PKHD1: variants seen among roughly 807,000 people sequenced by gnomAD.
PKHD1 encodes PKHD1 ciliary IPT domain containing fibrocystin/polyductin, also known as fibrocystin.
A neutral mutation model predicts 412.0 loss-of-function variants in PKHD1; 291 were observed. The ratio of observed to expected loss-of-function variants is 0.71; its 90% CI spans 0.64 to 0.78. The LOEUF is 0.78. Ranked by LOEUF, PKHD1 falls within the 30% of genes least tolerant of loss-of-function variation. The pLI is 0.00. For missense variants in PKHD1, 4,825 were observed against 4,950.7 expected, an observed-to-expected ratio of 0.97 and a Z score of 0.76; for synonymous variants, 1,777 against 1,821.5, an observed-to-expected ratio of 0.98 and a Z score of 0.62.
At chr6:51,861,059 C>T (rs1562484031) in intron 48 of PKHD1, among the ~76,000 whole-genome samples, 2 of 152,132 alleles carry the variant, frequency 1.3e-5, no homozygotes, top group Non-Finnish European at 2.9e-5. Context: ...GTGATCCACC[C>T]GCCTCAGCCT....
intron 60 of PKHD1, among the ~76,000 whole-genome samples, chr6:51,699,516 C>G (rs1412249870): frequency 2.0e-5 from 3 of 152,130 alleles, no homozygotes; most frequent in Admixed American, 6.6e-5. Context: ...ACAAATGAAG[C>G]TACTATGAAT....
rs761963908 is a variant in PKHD1, at chr6:51,676,914, T to C, written c.10157-16945A>G. 9.7e-4 allele frequency among the ~76,000 whole-genome samples: 148 copies of C among 152,178 alleles called. 1 individual carries two copies. Among genetic ancestry groups the C allele is most frequent in the Non-Finnish European group, 5.0e-4 (34 of 68,026 alleles). ...AAAAAATGGGTGTATGTTACACTTA[T>C]AAGGTGAAGGCATATTGAGAGTGAT... is the stretch of plus-strand genomic sequence containing the variant. On this transcript the variant is annotated intron_variant, in intron 60 of 66. Transcript: ENST00000371117.
intron 36 of PKHD1, among the ~76,000 whole-genome samples, chr6:51,934,939 G>C (rs1787234196): frequency 6.6e-6 from 1 of 152,156 alleles, no homozygotes; most frequent in South Asian, 2.1e-4. Context: ...TGGAGCAAAA[G>C]GGAAAAGAGG....
At chr6:52,075,918 A>G (rs1326694502) in intron 6 of PKHD1, among the ~76,000 whole-genome samples, 9 of 152,220 alleles carry the variant, frequency 5.9e-5, no homozygotes, top group Admixed American at 5.9e-4. Context: ...TGAAGAGCTT[A>G]GACTGGAGCC....
Position 51,868,318 on chromosome 6 carries a change from T to C in PKHD1, c.7487-209A>G, listed in dbSNP as rs114783394. Among the ~76,000 whole-genome samples, 837 of 152,258 alleles carry C rather than the reference T, an allele frequency of 5.5e-3. 5 individuals are homozygous for C. Among genetic ancestry groups the C allele is most frequent in the African/African-American group, 0.018 (728 of 41,552 alleles). ...GGTGTGCTAGAGATACTAAGAGGTA[T>C]AACTGCAGCATTGGCCCTACCTTCA... On this transcript the variant is annotated intron_variant, in intron 47 of 66. Coordinates refer to ENST00000371117, the MANE Select transcript of PKHD1 (RefSeq NM_138694.4).
chr6:51,882,614 G>A (rs1777555658), intron 46 of PKHD1, among the ~76,000 whole-genome samples: 1 of 152,142 alleles, frequency 6.6e-6, no homozygotes, highest in Admixed American at 6.5e-5. Context: ...AGAGACCAAT[G>A]GCAGCCAGGA....
In PKHD1 at chr6:51,888,463, T is replaced by A. The variant is rs533945657; in HGVS notation, c.6997-1218A>T. 2.8e-4 allele frequency among the ~76,000 whole-genome samples: 42 copies of A among 152,250 alleles called. No individual in the cohort carries two copies. In the South Asian group the frequency reaches 6.2e-3, roughly 23 times the overall value. On this transcript the variant is annotated intron_variant, in intron 43 of 66. Coordinates refer to ENST00000371117, the MANE Select transcript of PKHD1 (RefSeq NM_138694.4). ...TTTAAGACTGTACACAGATGTATTT[T>A]TTTTTGGCCTACCCAATGTTCATAT...
chr6:52,053,050 T>C lies in PKHD1; in HGVS notation c.2140+26A>G, dbSNP rs903611323. The C allele has an allele frequency of 1.9e-6, 3 of 1,610,624 alleles. No individual in the cohort carries two copies. In the East Asian group the frequency reaches 6.7e-5, roughly 36 times the overall value. ...TTGAGGTAGGCATGTGACCGGCTTG[T>C]GGAGGAGAGAGAATTTGATGATTAC... On this transcript the variant is annotated intron_variant, in intron 21 of 66. Coordinates refer to ENST00000371117, the MANE Select transcript of PKHD1 (RefSeq NM_138694.4).
At chr6:51,626,209 C>T (rs1287557039) in intron 66 of PKHD1, among the ~76,000 whole-genome samples, 2 of 152,090 alleles carry the variant, frequency 1.3e-5, no homozygotes, top group South Asian at 2.1e-4. Context: ...TGCTTAAACA[C>T]GCATTCAGAA....
intron 64 of PKHD1, among the ~76,000 whole-genome samples, chr6:51,636,142 T>C (rs1206649815): frequency 2.0e-5 from 3 of 152,292 alleles, no homozygotes; most frequent in Middle Eastern, 3.4e-3. Flanking sequence ...GAGGATTCCA[T>C]AAATACTTGG....
At chr6:51,983,269 A>G (rs1795803476) in intron 35 of PKHD1, among the ~76,000 whole-genome samples, 1 of 152,252 alleles carries the variant, frequency 6.6e-6, no homozygotes, top group African/African-American at 2.4e-5. Flanking sequence ...ACAAAAAATA[A>G]GGGGGCTTGC....
chr6:51,775,806 A>T lies in PKHD1; in HGVS notation c.8554+2T>A. ...TTAATAAAAACTATATTATACTCTTACCAATTGTTCCTGGGTCAATATGAA... is the reference window on the plus strand; with the variant it reads ...TTAATAAAAACTATATTATACTCTTTCCAATTGTTCCTGGGTCAATATGAA... On this transcript the variant is annotated splice_donor_variant, in intron 54 of 66. Transcript: ENST00000371117. LOFTEE classifies it high-confidence loss of function. 7.5e-7 allele frequency: 1 copy of T among 1,330,622 alleles called. No homozygotes were observed. The highest frequency in any genetic ancestry group is 1.1e-6 in the Non-Finnish European group (1 of 923,552). The allele number at this position is 1,330,622 out of a possible 1,614,324, so 82.4% of individuals were successfully genotyped here. A position where few individuals can be genotyped will look rare whatever the true frequency, so the allele number is the denominator to read the frequency against.
At chr6:51,669,290 G>C (rs959641113) in intron 60 of PKHD1, among the ~76,000 whole-genome samples, 1 of 152,114 alleles carries the variant, frequency 6.6e-6, no homozygotes, top group Non-Finnish European at 1.5e-5. Flanking sequence ...TGTATGTGTC[G>C]AGGAATTTAT....
intron 52 of PKHD1, among the ~76,000 whole-genome samples, chr6:51,826,776 A>C (rs915181073): frequency 6.6e-6 from 1 of 152,128 alleles, no homozygotes; most frequent in Admixed American, 6.6e-5. Context: ...TTCAAAATCC[A>C]ATGTCCATAA....
chr6:51,659,170 T>G lies in PKHD1; in HGVS notation c.10956A>C (p.Pro3652=), dbSNP rs777523730. ...MEMNSHRASP[P]MTVETISKVI... ...CTTTTGAGATAGTTTCCACAGTCATTGGGGGTGAAGCCCTATGTGAGTTCA... is the reference window on the plus strand; with the variant it reads ...CTTTTGAGATAGTTTCCACAGTCATGGGGGGTGAAGCCCTATGTGAGTTCA... Residue 3652 remains proline (P), a synonymous_variant, in exon 61 of 67, where the codon CCA becomes CCC. Coordinates refer to ENST00000371117, the MANE Select transcript of PKHD1 (RefSeq NM_138694.4). 8 of 1,613,668 alleles carry G rather than the reference T, an allele frequency of 5.0e-6. No individual in the cohort carries two copies. Among genetic ancestry groups the G allele is most frequent in the Non-Finnish European group, 6.8e-6 (8 of 1,179,842 alleles).
rs1388920502 is a variant in PKHD1 at position 52,025,439 on chromosome 6, G to C, written c.4371C>G (p.Phe1457Leu). ...LEGDPLPGAS[F>L]SLNVTVLVNG... The stretch of plus-strand genomic sequence containing the variant: ...TGACCAGGACTGTGACGTTCAGGGA[G>C]AAGGAAGCTCCAGGCAAGGGGTCAC... The change falls in exon 32 of 67, where the codon TTC becomes TTG. Residue 1457 changes from phenylalanine to leucine, a missense_variant. Phe to Leu is a conservative substitution (Grantham distance 22). Coordinates refer to ENST00000371117, the MANE Select transcript of PKHD1 (RefSeq NM_138694.4). The C allele has an allele frequency of 6.2e-7, 1 of 1,606,888 alleles. No homozygotes were observed. Among genetic ancestry groups the C allele is most frequent in the South Asian group, 1.1e-5 (1 of 90,208 alleles).
chr6:51,847,954 T>A lies in PKHD1; in HGVS notation c.7928A>T (p.Asp2643Val). 6.2e-7 allele frequency: 1 copy of A among 1,613,448 alleles called. No individual in the cohort carries two copies. ...NRSLQYSATFDNFAPGNYLLL... is the reference protein window; with the variant it reads ...NRSLQYSATFVNFAPGNYLLL... ...TAGGTAATTACCAGGAGCAAAGTTG[T>A]CAAAGGTTGCTGAGTACTTGAAGTG... is the stretch of plus-strand genomic sequence containing the variant. Residue 2643 changes from aspartate to valine, a missense_variant, in exon 50 of 67, where the codon GAC becomes GTC. Physicochemically the swap from Asp to Val is radical, Grantham distance 152. Transcript: ENST00000371117.
At chr6:51,866,200 G>A (rs549376876) in intron 48 of PKHD1, among the ~76,000 whole-genome samples, 125 of 152,238 alleles carry the variant, frequency 8.2e-4, no homozygotes, top group Non-Finnish European at 1.5e-3. Context: ...ATTAGGGTCA[G>A]TTGAGTATTT....
intron 37 of PKHD1, among the ~76,000 whole-genome samples, chr6:51,921,734 G>A (rs926012443): frequency 1.3e-5 from 2 of 152,068 alleles, no homozygotes; most frequent in Non-Finnish European, 2.9e-5. Flanking sequence ...ACTGAAGCTT[G>A]TGCATGCATC....
Sources: gnomAD v4.1 joint callset for allele counts (sites outside exome capture counted in the v4.1 genomes callset) on GRCh38, gnomAD v4.1.1 for gene constraint, MANE v1.5 for transcripts, NCBI Gene and HGNC (gene_info 2026-07-23, HGNC 2026-07-21) for gene names.